The following KCNH2 variants were observed in gnomAD, a reference collection of about 807,000 sequenced individuals.
KCNH2 encodes the protein voltage-gated inwardly rectifying potassium channel KCNH2.
In KCNH2, 35 loss-of-function variants were observed where a neutral mutation model predicts 95.9. That is an observed-to-expected ratio of 0.37 (90% CI 0.28 to 0.48). The LOEUF is 0.48. Among genes scored for constraint, KCNH2 ranks in the 20% least tolerant of loss-of-function variants. The pLI is 0.99. For synonymous variants in KCNH2, 786 were observed against 754.7 expected (o/e 1.04, Z -0.68); for missense variants, 1,274 against 1,702.9 (o/e 0.75, Z 4.43).
chr7:150,950,550 C>T (rs994053686), intron 8 of KCNH2, 130 bp from the exon 9 acceptor site: 2 of 1,239,490 alleles, frequency 1.6e-6, no homozygotes, highest in South Asian at 3.0e-5. Flanking sequence ...TCGGAAGCAT[C>T]AGGGGGCCCA....
rs1436018798 is a variant in KCNH2, at chr7:150,958,259, G to T, written c.716C>A (p.Ser239Tyr). Residue 239 changes from serine to tyrosine, a missense_variant, in exon 4 of 15, where the codon TCT becomes TAT. By Grantham distance (144) the Ser-to-Tyr change is moderately radical. Coordinates refer to ENST00000262186, the MANE Select transcript of KCNH2 (RefSeq NM_000238.4). Reference protein sequence around the residue: ...EERRALVGPGSPPRSAPGQLP... With the variant: ...EERRALVGPGYPPRSAPGQLP... ...CTGGCCGGGCGCGCTGCGGGGCGGA[G>T]AGCCGGGACCCACCAGCGCACGCCG... 7.0e-7 allele frequency: 1 copy of T among 1,434,368 alleles called. No individual in the cohort carries two copies. The highest frequency in any genetic ancestry group is 2.4e-4 in the Middle Eastern group (1 of 4,204). The allele number at this position is 1,434,368 out of a possible 1,614,324, so 88.9% of individuals were successfully genotyped here.
At chr7:150,955,702 G>A in intron 5 of KCNH2, 1 of 1,352,262 alleles carries the variant, frequency 7.4e-7, no homozygotes, top group Non-Finnish European at 9.5e-7. Flanking sequence ...GTAAGCGTGG[G>A]CAGCAGCCTG....
chr7:150,971,670 C>T (rs1281327988), intron 2 of KCNH2, among the ~76,000 whole-genome samples: 1 of 151,344 alleles, frequency 6.6e-6, no homozygotes, highest in African/African-American at 2.4e-5. Flanking sequence ...GGAGGAGGCA[C>T]CAGAGAGGAG....
intron 2 of KCNH2, among the ~76,000 whole-genome samples, chr7:150,963,221 A>G (rs1801614886): frequency 1.3e-5 from 2 of 152,308 alleles, no homozygotes; most frequent in Non-Finnish European, 2.9e-5. Flanking sequence ...CAGGACAGAC[A>G]AGGAGGGCGG....
chr7:150,958,315 G>C lies in KCNH2; in HGVS notation c.660C>G (p.Asn220Lys). ...LALDEVTAMD[N>K]HVAGLGPAEE... ...CCGCGGGCCCGAGCCCTGCCACGTG[G>C]TTGTCCATGGCTGTCACTTCGTCCA... is the stretch of plus-strand genomic sequence containing the variant. Residue 220 changes from asparagine (N) to lysine (K), a missense_variant, in exon 4 of 15, where the codon AAC (asparagine) becomes AAG (lysine). Physicochemically the swap from Asn to Lys is moderately conservative, Grantham distance 94 (BLOSUM62 0). Coordinates refer to ENST00000262186, the MANE Select transcript of KCNH2 (RefSeq NM_000238.4). The C allele has an allele frequency of 6.7e-7, 1 of 1,483,796 alleles. No individual in the cohort carries two copies. The highest frequency in any genetic ancestry group is 8.9e-7 in the Non-Finnish European group (1 of 1,123,708). The allele number at this position is 1,483,796 out of a possible 1,614,324, so 91.9% of individuals were successfully genotyped here.
chr7:150,977,965 G>C lies in KCNH2; in HGVS notation c.-52C>G. 1.7e-6 allele frequency: 2 copies of C among 1,185,884 alleles called. No homozygotes were observed. Among genetic ancestry groups the C allele is most frequent in the Non-Finnish European group, 2.3e-6 (2 of 875,608 alleles). 73.5% of individuals were successfully genotyped at this position (1,185,884 alleles called of 1,614,324 possible). On this transcript the variant is annotated 5_prime_UTR_variant, in exon 1 of 15. Coordinates refer to ENST00000262186, the MANE Select transcript of KCNH2 (RefSeq NM_000238.4). The stretch of plus-strand genomic sequence containing the variant: ...GCCCCCACCCACCCCGGCCCGGCCC[G>C]GCCCAGCACTAGGCTTCGGGTGGCC...
chr7:150,964,377 C>T (rs1294167731), intron 2 of KCNH2, among the ~76,000 whole-genome samples: 1 of 152,138 alleles, frequency 6.6e-6, no homozygotes, highest in Non-Finnish European at 1.5e-5. Context: ...TCCAACAGGA[C>T]CCCAGTTTGA....
In KCNH2 at chr7:150,957,483, G is replaced by T; in HGVS notation, c.936C>A (p.Arg312=). The part of the protein sequence containing the change: ...HASTGAMHPL[R]SGLLNSTSDS... ...CCGAGGTGGAGTTGAGCAAGCCGCT[G>T]CGCAGTGGGTGCATGGCCCCTAGGT... The change falls in exon 5 of 15, where the codon CGC becomes CGA. Residue 312 remains arginine, a synonymous_variant. Transcript: ENST00000262186. The T allele has an allele frequency of 6.2e-7, 1 of 1,613,796 alleles. No homozygotes were observed.
intron 2 of KCNH2, 113 bp downstream of exon 2, chr7:150,974,598 G>A: frequency 1.1e-6 from 1 of 893,530 alleles, no homozygotes; most frequent in African/African-American, 1.7e-5. Context: ...CGGGCTCGGG[G>A]CGTTCTCCAG....
chr7:150,957,262 AGAG>A, intron 5 of KCNH2, 26 bp downstream of exon 5: 1 of 1,520,536 alleles, frequency 6.6e-7, no homozygotes, highest in African/African-American at 1.4e-5. Flanking sequence ...CTCCAAGGTG[AGAG>A]GAGAGCCCGG....
intron 1 of KCNH2, among the ~76,000 whole-genome samples, chr7:150,976,372 C>A (rs1004220200): frequency 2.6e-5 from 4 of 152,162 alleles, no homozygotes; most frequent in African/African-American, 9.7e-5. Context: ...CAAGGCCCCC[C>A]AGACCTCCCA....
At chr7:150,973,012 G>A (rs1373499500) in intron 2 of KCNH2, among the ~76,000 whole-genome samples, 7 of 152,178 alleles carry the variant, frequency 4.6e-5, no homozygotes, top group South Asian at 2.1e-4. Flanking sequence ...AGCACGGCCC[G>A]TTGCAGGCAC....
At position 150,951,634 on chromosome 7, in the gene KCNH2, G is replaced by A; in HGVS notation, c.1759C>T (p.His587Tyr). The change falls in exon 7 of 15, where the codon CAC (histidine) becomes TAC (tyrosine). Residue 587 changes from histidine (H) to tyrosine (Y), a missense_variant. This residue lies in a region of KCNH2 where 147 missense variants were observed against 344.4 expected (regional missense o/e 0.43). Transcript: ENST00000262186. ...TTGCCTATCTGGTCGCCCAGGTTGT[G>A]CAGCCAGCCGATGCGTGAGTCCATG... Reference protein sequence around the residue: ...PHMDSRIGWLHNLGDQIGKPY... With the variant: ...PHMDSRIGWLYNLGDQIGKPY... 2 of 1,614,250 alleles carry A rather than the reference G, an allele frequency of 1.2e-6. No individual in the cohort carries two copies. The highest frequency in any genetic ancestry group is 1.7e-6 in the Non-Finnish European group (2 of 1,180,048).
In KCNH2 at chr7:150,950,631, C is replaced by T. The variant is rs113463643; in HGVS notation, c.2146-211G>A. Among the ~76,000 whole-genome samples, 348 of 152,288 alleles carry T rather than the reference C, an allele frequency of 2.3e-3. 1 individual carries two copies. Among genetic ancestry groups the T allele is most frequent in the African/African-American group, 7.9e-3 (330 of 41,560 alleles). On this transcript the variant is annotated intron_variant, in intron 8 of 14. Transcript: ENST00000262186. ...TGGCCGAGCACCCTTGGGCTCTAGA[C>T]CTCCATGTTCTTATTTGTAAGGCAT...
At chr7:150,954,889 C>A (rs537358324) in intron 5 of KCNH2, among the ~76,000 whole-genome samples, 2 of 152,202 alleles carry the variant, frequency 1.3e-5, no homozygotes, top group East Asian at 3.9e-4. Flanking sequence ...CTCAGCCCAG[C>A]GCGCCCTCAC....
chr7:150,959,482 T>C, intron 3 of KCNH2, 90 bp downstream of exon 3: 3 of 1,484,614 alleles, frequency 2.0e-6, no homozygotes, highest in Non-Finnish European at 2.8e-6. Flanking sequence ...ACATCCTCCC[T>C]TCCTGCAGAG....
intron 2 of KCNH2, among the ~76,000 whole-genome samples, chr7:150,963,908 CAGA>C (rs1801634525): frequency 6.6e-6 from 1 of 152,184 alleles, no homozygotes; most frequent in South Asian, 2.1e-4. Flanking sequence ...CCTGCTACCA[CAGA>C]AGGTGTCCAT....
In KCNH2 at chr7:150,946,740, G is replaced by A; in HGVS notation, c.3330+137C>T. The A allele has an allele frequency of 1.3e-6, 1 of 785,148 alleles. No individual in the cohort carries two copies. Among genetic ancestry groups the A allele is most frequent in the East Asian group, 2.6e-5 (1 of 38,566 alleles). 48.6% of individuals were successfully genotyped at this position (785,148 alleles called of 1,614,324 possible). ...GAAGCAGCCTTCCTCCAGGAGGACA[G>A]GGGTGGGAGGAGGGCAGGAACAAGG... On this transcript the variant is annotated intron_variant, in intron 14 of 14. Transcript: ENST00000262186. The surrounding 1 kb of genome is among the most constrained non-coding windows in gnomAD (Gnocchi z 6.5).
At chr7:150,959,904 G>A in intron 2 of KCNH2, 168 bp from the exon 3 acceptor site, 1 of 787,264 alleles carries the variant, frequency 1.3e-6, no homozygotes, top group Non-Finnish European at 2.1e-6. Context: ...CCATGTGCCT[G>A]CCGCCCTTAT....
Sources: gnomAD v4.1 joint callset for allele counts (sites outside exome capture counted in the v4.1 genomes callset) on GRCh38, gnomAD v4.1.1 for gene constraint, gnomAD v4.1.1 regional missense constraint, Gnocchi (gnomAD v3.1) non-coding constraint, MANE v1.5 for transcripts, NCBI Gene and HGNC (gene_info 2026-07-23, HGNC 2026-07-21) for gene names.